Variants in NAA35 observed in about 807,000 individuals in gnomAD.
The protein encoded by NAA35 is MAK10 homolog, amino-acid N-acetyltransferase subunit.
NAA35 carries 18 observed loss-of-function variants against 101.7 expected under a neutral mutation model. The ratio of observed to expected loss-of-function variants is 0.18; its 90% CI spans 0.12 to 0.26. NAA35 has a LOEUF of 0.26. NAA35 is among the 10% of genes least tolerant of loss of function. The pLI, the probability that NAA35 is intolerant of heterozygous loss-of-function variation, is 1.00. For missense variants in NAA35, 601 were observed against 886.8 expected, an observed-to-expected ratio of 0.68 and a Z score of 4.09; for synonymous variants, 267 against 273.1, an observed-to-expected ratio of 0.98 and a Z score of 0.22.
At chr9:85,964,891 G>A (rs1055119774) in intron 6 of NAA35, among the ~76,000 whole-genome samples, 5 of 152,068 alleles carry the variant, frequency 3.3e-5, no homozygotes, top group Non-Finnish European at 5.9e-5. Flanking sequence ...AAGCAATCTT[G>A]GGATACACTT....
intron 6 of NAA35, among the ~76,000 whole-genome samples, chr9:85,969,554 T>C (rs1829910116): frequency 6.6e-6 from 1 of 152,242 alleles, no homozygotes; most frequent in Admixed American, 6.5e-5. Context: ...CATGCAAACG[T>C]GCTTTATATT....
At chr9:85,956,459 G>A (rs758649958) in intron 3 of NAA35, 66 bp downstream of exon 3, 6 of 883,816 alleles carry the variant, frequency 6.8e-6, no homozygotes, top group Non-Finnish European at 1.0e-5. Context: ...TCCTCATGTG[G>A]AGTAATATTC....
At chr9:85,993,632 G>A (rs1291909501) in intron 11 of NAA35, among the ~76,000 whole-genome samples, 1 of 152,148 alleles carries the variant, frequency 6.6e-6, no homozygotes, top group Non-Finnish European at 1.5e-5. Context: ...CCATTGAACT[G>A]TACATTTAAT....
At chr9:86,006,506 T>C (rs1037371480) in intron 13 of NAA35, among the ~76,000 whole-genome samples, 3 of 152,136 alleles carry the variant, frequency 2.0e-5, no homozygotes, top group African/African-American at 7.2e-5. Context: ...ACAATGCCAA[T>C]GAATCTCCAC....
intron 15 of NAA35, among the ~76,000 whole-genome samples, chr9:86,011,005 G>T (rs978944999): frequency 6.6e-6 from 1 of 151,650 alleles, no homozygotes; most frequent in Non-Finnish European, 1.5e-5. Flanking sequence ...CAGTTTGGGA[G>T]GCTGAGGCAG....
chr9:86,016,622 T>C lies in NAA35; in HGVS notation c.1652T>C (p.Met551Thr). Residue 551 changes from methionine (M) to threonine (T), a missense_variant, in exon 18 of 23, where the codon ATG (methionine) becomes ACG (threonine). Coordinates refer to ENST00000361671, the MANE Select transcript of NAA35 (RefSeq NM_024635.4). The stretch of plus-strand genomic sequence containing the variant: ...TCTCAAATGGCAGAGGAAAGGATAA[T>C]GGAAGAGCAGCAGAAAGGCCGTAGT... ...DGSQMAEERI[M>T]EEQQKGRSSK... 1 of 1,613,776 alleles carries C rather than the reference T, an allele frequency of 6.2e-7. No individual in the cohort carries two copies. Among genetic ancestry groups the C allele is most frequent in the Non-Finnish European group, 8.5e-7 (1 of 1,179,944 alleles).
At chr9:85,955,305 A>G (rs1341015437) in intron 2 of NAA35, among the ~76,000 whole-genome samples, 1 of 141,822 alleles carries the variant, frequency 7.1e-6, no homozygotes, top group East Asian at 2.0e-4. Flanking sequence ...TACACCTTCC[A>G]CAGGATTTAG....
Position 86,022,972 on chromosome 9 carries a change from C to G in NAA35, c.*1012C>G, listed in dbSNP as rs1430319438. 1.3e-5 allele frequency among the ~76,000 whole-genome samples: 2 copies of G among 152,168 alleles called. No homozygotes were observed. Among genetic ancestry groups the G allele is most frequent in the African/African-American group, 4.8e-5 (2 of 41,434 alleles). On this transcript the variant is annotated 3_prime_UTR_variant, in exon 23 of 23. Transcript: ENST00000361671. Reference sequence around the variant, plus strand: ...TGGTGGCTTAGCCTAAGACTAGTGACAGTTTTATATTTGGTCTGTGGTTAA... The same window carrying G: ...TGGTGGCTTAGCCTAAGACTAGTGAGAGTTTTATATTTGGTCTGTGGTTAA...
intron 16 of NAA35, among the ~76,000 whole-genome samples, chr9:86,013,456 C>A (rs1014726729): frequency 6.6e-6 from 1 of 152,030 alleles, no homozygotes; most frequent in Non-Finnish European, 1.5e-5. Flanking sequence ...TGTGCAGCAG[C>A]AATATTGATA....
At chr9:85,966,305 G>C (rs1331834301) in intron 6 of NAA35, among the ~76,000 whole-genome samples, 1 of 152,044 alleles carries the variant, frequency 6.6e-6, no homozygotes, top group Admixed American at 6.6e-5. Context: ...AAATCTTAAA[G>C]GAAGAGACTA....
chr9:85,976,970 C>T (rs970483907), intron 9 of NAA35, among the ~76,000 whole-genome samples: 7 of 152,034 alleles, frequency 4.6e-5, no homozygotes, highest in Non-Finnish European at 7.4e-5. Flanking sequence ...AAGAAAAATA[C>T]GATCTTTCAC....
chr9:86,007,523 C>T lies in NAA35; in HGVS notation c.1223+59C>T, dbSNP rs1587652035. 1.1e-5 allele frequency: 14 copies of T among 1,218,662 alleles called. No individual in the cohort carries two copies. The East Asian group carries it at 3.3e-4, about 29-fold the overall frequency. 75.5% of individuals were successfully genotyped at this position (1,218,662 alleles called of 1,614,324 possible). On this transcript the variant is annotated intron_variant, in intron 14 of 22. Transcript: ENST00000361671. ...ATGTGCTCCTTTAAAAGCCCAACTT[C>T]TCTGTACTCCTTCTTTATAGCCAAA...
chr9:85,997,366 G>A (rs1831208386), intron 12 of NAA35, among the ~76,000 whole-genome samples: 1 of 151,364 alleles, frequency 6.6e-6, no homozygotes, highest in Non-Finnish European at 1.5e-5. Flanking sequence ...TTTTGATAGG[G>A]GGTTTCCCTC....
At chr9:85,994,526 C>T (rs558524787) in intron 11 of NAA35, among the ~76,000 whole-genome samples, 1 of 152,264 alleles carries the variant, frequency 6.6e-6, no homozygotes, top group African/African-American at 2.4e-5. Flanking sequence ...TCCAGAATTC[C>T]TTCCAATTTA....
At position 86,020,972 on chromosome 9, in the gene NAA35, G is replaced by GAGTA. The variant is rs751310277; in HGVS notation, c.2118+4_2118+7dup. 1 of 1,605,754 alleles carries GAGTA rather than the reference G, an allele frequency of 6.2e-7. No individual in the cohort carries two copies. Among genetic ancestry groups the GAGTA allele is most frequent in the South Asian group, 1.1e-5 (1 of 89,750 alleles). ...GAGGACACAAAAAGGAATCTAAAGT[G>GAGTA]AGTACATTGTGGGAAAAATAAGTGG... On this transcript the variant is annotated splice_donor_region_variant and intron_variant, in intron 22 of 22. Coordinates refer to ENST00000361671, the MANE Select transcript of NAA35 (RefSeq NM_024635.4).
chr9:86,000,157 G>C (rs1377183937), intron 12 of NAA35, among the ~76,000 whole-genome samples: 1 of 152,084 alleles, frequency 6.6e-6, no homozygotes, highest in Admixed American at 6.6e-5. Context: ...AGATAATCAT[G>C]TGATTTTTGT....
At chr9:85,978,098 T>G (rs1038087638) in intron 10 of NAA35, among the ~76,000 whole-genome samples, 169 bp from the exon 11 acceptor site, 4 of 152,192 alleles carry the variant, frequency 2.6e-5, no homozygotes, top group African/African-American at 9.7e-5. Context: ...AAAAAACCAT[T>G]TTCTATCCTA....
At position 85,979,946 on chromosome 9, in the gene NAA35, T is replaced by G. The variant is rs181440893; in HGVS notation, c.877+1565T>G. 1.1e-4 allele frequency among the ~76,000 whole-genome samples: 17 copies of G among 152,274 alleles called. No homozygotes were observed. The East Asian group carries it at 3.3e-3, about 29-fold the overall frequency. ...GCTCAGTCCCCAAGACTGCTCTTCC[T>G]CCCCAAACACCAGTTCCATGTCTGG... On this transcript the variant is annotated intron_variant, in intron 11 of 22. Coordinates refer to ENST00000361671, the MANE Select transcript of NAA35 (RefSeq NM_024635.4).
chr9:85,977,934 ATT>A (rs567897071), intron 10 of NAA35, among the ~76,000 whole-genome samples: 4 of 143,124 alleles, frequency 2.8e-5, no homozygotes, highest in African/African-American at 1.0e-4. Context: ...ATTTCTTCCC[ATT>A]TTTTTTTTCC....
Sources: allele counts gnomAD v4.1 joint callset (sites outside exome capture counted in the v4.1 genomes callset), GRCh38; gene constraint gnomAD v4.1.1; transcripts MANE v1.5; gene names NCBI Gene and HGNC (gene_info 2026-07-23, HGNC 2026-07-21).